RBMS3: variants seen among roughly 807,000 people sequenced by gnomAD.
RBMS3 encodes RNA-binding motif, single-stranded-interacting protein 3.
In RBMS3, 27 loss-of-function variants were observed where a neutral mutation model predicts 66.8. That is an observed-to-expected ratio of 0.40 (90% CI 0.30 to 0.56). The LOEUF is 0.56. Ranked by LOEUF, RBMS3 falls within the 20% of genes least tolerant of loss-of-function variation. The probability of loss-of-function intolerance (pLI) is 0.40; values close to 1 mark genes in which losing one functional copy is unlikely to be tolerated. For missense variants in RBMS3, 513 were observed against 549.5 expected, an observed-to-expected ratio of 0.93 and a Z score of 0.66; for synonymous variants, 188 against 183.0, an observed-to-expected ratio of 1.03 and a Z score of -0.22.
At chr3:29,595,913 C>T (rs1227079904) in intron 4 of RBMS3, among the ~76,000 whole-genome samples, 1 of 152,182 alleles carries the variant, frequency 6.6e-6, no homozygotes, top group African/African-American at 2.4e-5. Context: ...AGTGAATGTG[C>T]TCTCTATTGG....
At chr3:29,942,294 G>A (rs2061410560) in intron 11 of RBMS3, among the ~76,000 whole-genome samples, 1 of 151,824 alleles carries the variant, frequency 6.6e-6, no homozygotes, top group African/African-American at 2.4e-5. Flanking sequence ...TGAGGCAGGA[G>A]GATTGCTTGA....
intron 3 of RBMS3, among the ~76,000 whole-genome samples, chr3:29,503,631 C>G (rs1232375871): frequency 2.6e-5 from 4 of 152,076 alleles, no homozygotes; most frequent in Non-Finnish European, 5.9e-5. Context: ...TTCTCCAACA[C>G]CATTGTCTGT....
chr3:29,906,915 AC>A (rs1477949294), intron 10 of RBMS3, among the ~76,000 whole-genome samples: 1 of 152,156 alleles, frequency 6.6e-6, no homozygotes, highest in Non-Finnish European at 1.5e-5. Context: ...AAATGACATC[AC>A]ACAATATGTG....
chr3:29,792,850 A>G (rs2057056479), intron 6 of RBMS3, among the ~76,000 whole-genome samples: 1 of 152,240 alleles, frequency 6.6e-6, no homozygotes. Flanking sequence ...GCAAAGCAAT[A>G]AAGAAAAATA....
intron 4 of RBMS3, among the ~76,000 whole-genome samples, chr3:29,712,372 A>T (rs2053210085): frequency 6.6e-6 from 1 of 151,942 alleles, no homozygotes; most frequent in African/African-American, 2.4e-5. Context: ...GAGTGCAATG[A>T]TGCAATCTTG....
chr3:29,857,473 T>C (rs1345942003), intron 6 of RBMS3, among the ~76,000 whole-genome samples: 1 of 151,570 alleles, frequency 6.6e-6, no homozygotes, highest in Non-Finnish European at 1.5e-5. Context: ...CTTGGAATTC[T>C]TTCTTGTTAT....
At chr3:29,408,091 T>G (rs1198528433) in intron 1 of RBMS3, among the ~76,000 whole-genome samples, 1 of 151,610 alleles carries the variant, frequency 6.6e-6, no homozygotes, top group Non-Finnish European at 1.5e-5. Flanking sequence ...GCTAACACGG[T>G]GAAACCCCGT....
At chr3:29,877,691 A>C (rs1395248860) in intron 7 of RBMS3, among the ~76,000 whole-genome samples, 1 of 152,174 alleles carries the variant, frequency 6.6e-6, no homozygotes, top group African/African-American at 2.4e-5. Context: ...TACAGGGTTG[A>C]CTGCCTCTCC....
chr3:29,809,829 AAC>A (rs2057677432), intron 6 of RBMS3, among the ~76,000 whole-genome samples: 1 of 152,090 alleles, frequency 6.6e-6, no homozygotes, highest in African/African-American at 2.4e-5. Flanking sequence ...TGAAGAAAAT[AAC>A]TTTCAGTTTA....
At chr3:29,406,140 T>C (rs2040008577) in intron 1 of RBMS3, among the ~76,000 whole-genome samples, 1 of 152,160 alleles carries the variant, frequency 6.6e-6, no homozygotes, top group Non-Finnish European at 1.5e-5. Context: ...GTATCTTCGG[T>C]GCAATTCTGA....
At chr3:29,434,668 A>G in intron 1 of RBMS3, 75 bp from the exon 2 acceptor site, 1 of 1,548,066 alleles carries the variant, frequency 6.5e-7, no homozygotes. Context: ...GCTTACATTG[A>G]TTTCAAGTTG....
chr3:29,637,828 T>G (rs896580852), intron 4 of RBMS3, among the ~76,000 whole-genome samples: 2 of 151,904 alleles, frequency 1.3e-5, no homozygotes. Context: ...CAAATAGGAC[T>G]AATAGCATTA....
chr3:29,422,396 C>CCA (rs547590977), intron 1 of RBMS3, among the ~76,000 whole-genome samples: 95 of 130,778 alleles, frequency 7.3e-4, no homozygotes, highest in African/African-American at 2.6e-3. Context: ...ATCACCAGCC[C>CCA]AAAAAAAAAA....
At chr3:29,550,315 G>A (rs957717621) in intron 3 of RBMS3, among the ~76,000 whole-genome samples, 22 of 151,946 alleles carry the variant, frequency 1.4e-4, no homozygotes, top group Non-Finnish European at 1.8e-4. Context: ...CATTTCATAG[G>A]GCTGCCAGAT....
chr3:29,524,602 A>ATTTTTTTTTTTTTTTT (rs1273815210), intron 3 of RBMS3, among the ~76,000 whole-genome samples: 1 of 148,608 alleles, frequency 6.7e-6, no homozygotes. Context: ...CAACTTTTGC[A>ATTTTTTTTTTTTTTTT]TTTTATTTAT....
chr3:29,354,895 T>G (rs545648628), intron 1 of RBMS3, among the ~76,000 whole-genome samples: 162 of 151,008 alleles, frequency 1.1e-3, no homozygotes, highest in South Asian at 8.0e-3. Flanking sequence ...GAACTTCAAC[T>G]ATATTAACCT....
chr3:29,818,607 G>A (rs886273753), intron 6 of RBMS3, among the ~76,000 whole-genome samples: 3 of 151,912 alleles, frequency 2.0e-5, no homozygotes, highest in African/African-American at 4.8e-5. Flanking sequence ...CTTCCAATGC[G>A]ACCTTGATTT....
At chr3:29,484,801 T>C (rs1327924324) in intron 2 of RBMS3, among the ~76,000 whole-genome samples, 1 of 152,214 alleles carries the variant, frequency 6.6e-6, no homozygotes, top group Non-Finnish European at 1.5e-5. Flanking sequence ...ATGAGCCATC[T>C]AGAAGTAGGC....
intron 4 of RBMS3, among the ~76,000 whole-genome samples, chr3:29,652,447 A>T (rs1007322726): frequency 6.6e-6 from 1 of 152,164 alleles, no homozygotes; most frequent in Non-Finnish European, 1.5e-5. Flanking sequence ...AATATTATTT[A>T]TAATTTCCAT....
Sources: allele counts gnomAD v4.1 joint callset (sites outside exome capture counted in the v4.1 genomes callset), GRCh38; gene constraint gnomAD v4.1.1; transcripts MANE v1.5; gene names NCBI Gene and HGNC (gene_info 2026-07-23, HGNC 2026-07-21).